ZNF91: variants seen among roughly 807,000 people sequenced by gnomAD.
The protein encoded by ZNF91 is zinc finger protein 91 (HPF7, HTF10).
Under a neutral mutation model 12.6 loss-of-function variants are expected in ZNF91, and 7 were observed. The observed-to-expected ratio is 0.55, with a 90% confidence interval of 0.31 to 1.04. The LOEUF is 1.04. ZNF91 is among the 50% of genes least tolerant of loss of function. The probability of loss-of-function intolerance (pLI) is 0.05; values close to 1 mark genes in which losing one functional copy is unlikely to be tolerated. For missense variants in ZNF91, 1,217 were observed against 1,385.4 expected (o/e 0.88, Z 1.93); for synonymous variants, 453 against 462.6 (o/e 0.98, Z 0.27).
At chr19:23,332,291 A>G (rs544708329) in intron 1 of ZNF91, among the ~76,000 whole-genome samples, 4 of 152,344 alleles carry the variant, frequency 2.6e-5, no homozygotes, top group African/African-American at 9.6e-5. Context: ...GATGGCAGTA[A>G]GAGCAGAAGT....
intron 3 of ZNF91, among the ~76,000 whole-genome samples, chr19:23,348,546 T>G (rs1455856442): frequency 6.6e-6 from 1 of 152,244 alleles, no homozygotes; most frequent in Non-Finnish European, 1.5e-5. Context: ...TGAGGATGTA[T>G]GTTGCCTCAG....
chr19:23,332,345 ATTT>A (rs71163487), intron 1 of ZNF91, among the ~76,000 whole-genome samples: 4,869 of 150,592 alleles, frequency 0.032, 105 homozygotes, highest in Non-Finnish European at 0.05. Context: ...CAGCATCCTA[ATTT>A]TTTTTTTAAC....
chr19:23,365,904 C>G (rs1032609200), intron 3 of ZNF91, among the ~76,000 whole-genome samples: 2 of 152,228 alleles, frequency 1.3e-5, no homozygotes, highest in Admixed American at 6.5e-5. Flanking sequence ...AGATCAACAG[C>G]ATCCCAAGGC....
chr19:23,366,144 C>T (rs1011856640), intron 3 of ZNF91, among the ~76,000 whole-genome samples: 10 of 152,120 alleles, frequency 6.6e-5, no homozygotes, highest in African/African-American at 2.4e-4. Context: ...GTAGGGGCGG[C>T]CGGGCAGAGG....
chr19:23,323,892 CCT>C, intron 1 of ZNF91: 1 of 149,960 alleles, frequency 6.7e-6, no homozygotes, highest in South Asian at 2.1e-4. Context: ...TTTTTCTCCT[CCT>C]CTCCTCTTTC....
chr19:23,350,412 T>G (rs1968333488), intron 3 of ZNF91, among the ~76,000 whole-genome samples: 1 of 152,180 alleles, frequency 6.6e-6, no homozygotes, highest in African/African-American at 2.4e-5. Context: ...ATTAAAACTC[T>G]TATTGAAACT....
downstream of ZNF91, among the ~76,000 whole-genome samples, chr19:23,335,200 G>C (rs980980579): frequency 6.6e-6 from 1 of 152,120 alleles, no homozygotes; most frequent in African/African-American, 2.4e-5. Flanking sequence ...CGTCTCAGAG[G>C]GGCACCCGGC....
chr19:23,378,685 A>G (rs1969592569), intron 1 of ZNF91, among the ~76,000 whole-genome samples: 1 of 152,218 alleles, frequency 6.6e-6, no homozygotes, highest in Admixed American at 6.5e-5. Context: ...TGTAGACATC[A>G]CAAGTCACAA....
chr19:23,367,001 T>C (rs546061760), intron 3 of ZNF91, among the ~76,000 whole-genome samples: 13 of 152,364 alleles, frequency 8.5e-5, no homozygotes, highest in African/African-American at 2.9e-4. Flanking sequence ...TTATTAAATT[T>C]AAGAATGCCA....
intron 3 of ZNF91, among the ~76,000 whole-genome samples, chr19:23,366,063 G>A (rs576551303): frequency 1.2e-4 from 19 of 152,280 alleles, no homozygotes; most frequent in East Asian, 3.9e-4. Flanking sequence ...ATCATGGCCC[G>A]TTCTCAATGA....
intron 3 of ZNF91, chr19:23,340,174 GAAAT>G (rs1325199339): frequency 6.6e-6 from 1 of 151,840 alleles, no homozygotes; most frequent in Non-Finnish European, 1.5e-5. Flanking sequence ...GTTAGAAGAG[GAAAT>G]AAATAAAAAT....
chr19:23,393,646 G>A (rs558783027), intron 1 of ZNF91, among the ~76,000 whole-genome samples: 3 of 152,238 alleles, frequency 2.0e-5, no homozygotes, highest in Non-Finnish European at 2.9e-5. Context: ...TCTTCTCACA[G>A]GGAGTATTTA....
intron 3 of ZNF91, among the ~76,000 whole-genome samples, chr19:23,368,803 A>T (rs1969133883): frequency 6.6e-6 from 1 of 151,968 alleles, no homozygotes; most frequent in South Asian, 2.1e-4. Context: ...TTTAAAACGG[A>T]ACAATAAAGT....
intron 1 of ZNF91, among the ~76,000 whole-genome samples, chr19:23,390,336 C>T (rs1012974997): frequency 4.6e-5 from 7 of 152,092 alleles, no homozygotes; most frequent in Admixed American, 2.6e-4. Flanking sequence ...AAAGGTACAA[C>T]CCCAACAAAG....
downstream of ZNF91, among the ~76,000 whole-genome samples, chr19:23,354,555 G>A (rs142205676): frequency 5.3e-3 from 801 of 152,164 alleles, 8 homozygotes; most frequent in African/African-American, 0.017. Flanking sequence ...CTTTGAGAAC[G>A]GGAACAAGAC....
chr19:23,391,866 A>G, intron 1 of ZNF91, among the ~76,000 whole-genome samples: 1 of 152,084 alleles, frequency 6.6e-6, no homozygotes, highest in East Asian at 1.9e-4. Flanking sequence ...CAAAAGGCTT[A>G]GCTTGGAGTC....
chr19:23,388,797 C>T (rs1485822827), intron 1 of ZNF91, among the ~76,000 whole-genome samples: 2 of 152,036 alleles, frequency 1.3e-5, no homozygotes, highest in East Asian at 3.9e-4. Context: ...TTGCTTGAAC[C>T]CAGGAGGTGG....
chr19:23,367,460 T>A (rs1969061006), intron 3 of ZNF91, among the ~76,000 whole-genome samples: 1 of 152,118 alleles, frequency 6.6e-6, no homozygotes, highest in Non-Finnish European at 1.5e-5. Context: ...AATAAAAAAA[T>A]TAATTTTTCA....
chr19:23,339,838 G>A (rs1438838422), intron 3 of ZNF91: 2 of 151,742 alleles, frequency 1.3e-5, no homozygotes, highest in Non-Finnish European at 2.9e-5. Context: ...TAGCTACTCG[G>A]GAGGCTAATA....
Sources: gnomAD v4.1 joint callset for allele counts (sites outside exome capture counted in the v4.1 genomes callset) on GRCh38, gnomAD v4.1.1 for gene constraint, MANE v1.5 for transcripts, NCBI Gene and HGNC (gene_info 2026-07-23, HGNC 2026-07-21) for gene names.